Variants in LRP2 observed in about 807,000 individuals in gnomAD.
LRP2 encodes low-density lipoprotein receptor-related protein 2.
A neutral mutation model predicts 531.0 loss-of-function variants in LRP2; 172 were observed. The ratio of observed to expected loss-of-function variants is 0.32; its 90% CI spans 0.29 to 0.37. The LOEUF (loss-of-function observed/expected upper bound fraction) is 0.37. LRP2 is among the 10% of genes least tolerant of loss of function. LRP2 has a pLI of 1.00. For synonymous variants in LRP2, 1,992 were observed against 2,027.6 expected (o/e 0.98, Z 0.47); for missense variants, 5,167 against 5,868.3 (o/e 0.88, Z 3.90).
intron 66 of LRP2, among the ~76,000 whole-genome samples, chr2:169,154,006 A>T (rs1426793805): frequency 6.6e-6 from 1 of 152,242 alleles, no homozygotes; most frequent in African/African-American, 2.4e-5. Flanking sequence ...TCAACTAGCT[A>T]TATAACTTAG....
chr2:169,357,683 A>G (rs1267636727), intron 1 of LRP2, among the ~76,000 whole-genome samples: 1 of 151,738 alleles, frequency 6.6e-6, no homozygotes, highest in Non-Finnish European at 1.5e-5. Context: ...CTTAACAGAA[A>G]CTCCAAAGCC....
intron 16 of LRP2, among the ~76,000 whole-genome samples, chr2:169,259,745 C>CAA (rs5836225): frequency 1.7e-4 from 26 of 150,726 alleles, no homozygotes; most frequent in African/African-American, 6.1e-4. Context: ...ACAACAACAA[C>CAA]AAAAAAAAAA....
At chr2:169,142,850 C>T (rs1303077340) in intron 70 of LRP2, 57 bp from the exon 71 acceptor site, 28 of 1,605,670 alleles carry the variant, frequency 1.7e-5, no homozygotes, top group Non-Finnish European at 2.2e-5. Context: ...ACCTGAATAC[C>T]CAGCAACTGG....
chr2:169,146,703 T>C (rs768381239), intron 69 of LRP2, 36 bp downstream of exon 69: 3 of 1,456,412 alleles, frequency 2.1e-6, no homozygotes, highest in African/African-American at 1.4e-5. Flanking sequence ...ATGTTAATTA[T>C]TAATTTAATA....
chr2:169,205,941 G>T, intron 40 of LRP2, 82 bp downstream of exon 40: 3 of 1,518,892 alleles, frequency 2.0e-6, no homozygotes, highest in Non-Finnish European at 2.7e-6. Flanking sequence ...ATAACACATT[G>T]GCTATCTATG....
At chr2:169,193,305 C>T (rs1423525821) in intron 47 of LRP2, among the ~76,000 whole-genome samples, 1 of 151,484 alleles carries the variant, frequency 6.6e-6, no homozygotes, top group South Asian at 2.1e-4. Context: ...TGGTGGTGGG[C>T]GTATGGTCCC....
rs140802648 is a variant in LRP2 at position 169,128,784 on chromosome 2, G to A, written c.13847C>T (p.Ser4616Leu). 50 of 1,613,994 alleles carry A rather than the reference G, an allele frequency of 3.1e-5. No individual in the cohort carries two copies. Among genetic ancestry groups the A allele is most frequent in the Non-Finnish European group, 4.1e-5 (48 of 1,179,990 alleles). Residue 4616 changes from serine to leucine, a missense_variant, in exon 79 of 79, where the codon TCA becomes TTA. Ser to Leu is a moderately radical substitution (Grantham distance 145). Around this residue, in one of 6 missense-constraint regions of LRP2, gnomAD observed 348 missense variants for 369.3 expected, o/e 0.94. Transcript: ENST00000649046. ...CTTAGGCTTAGCAGGGAGCGAAGGTGATGGAGGTGGTGTCGCAGCAACACT... is the reference window on the plus strand; with the variant it reads ...CTTAGGCTTAGCAGGGAGCGAAGGTAATGGAGGTGGTGTCGCAGCAACACT... ...KESVAATPPP[S>L]PSLPAKPKPP...
chr2:169,177,970 T>A lies in LRP2; in HGVS notation c.10226A>T (p.His3409Leu). Residue 3409 changes from histidine (H) to leucine (L), a missense_variant, in exon 53 of 79, where the codon CAC becomes CTC. Around this residue, in one of 6 missense-constraint regions of LRP2, gnomAD observed 1,129 missense variants for 1,362.7 expected, o/e 0.83. Coordinates refer to ENST00000649046, the MANE Select transcript of LRP2 (RefSeq NM_004525.3). ...RHTVYDGALP[H>L]PFAITIFEDT... ...TTCAAAAATGGTAATAGCGAAAGGG[T>A]GAGGCAGTGCCCCATCATACACCGT... 1 of 1,614,174 alleles carries A rather than the reference T, an allele frequency of 6.2e-7. No homozygotes were observed. The highest frequency in any genetic ancestry group is 8.5e-7 in the Non-Finnish European group (1 of 1,180,022).
intron 1 of LRP2, among the ~76,000 whole-genome samples, chr2:169,355,251 C>T (rs1017088856): frequency 1.3e-5 from 2 of 152,182 alleles, no homozygotes; most frequent in Admixed American, 6.5e-5. Flanking sequence ...GTTTCCAATA[C>T]TTTATTCCTT....
At chr2:169,232,665 C>T (rs1298839260) in intron 30 of LRP2, among the ~76,000 whole-genome samples, 1 of 152,092 alleles carries the variant, frequency 6.6e-6, no homozygotes, top group Non-Finnish European at 1.5e-5. Context: ...TGGGTAGAAT[C>T]CTAAATAGCA....
In LRP2 at chr2:169,177,837, G is replaced by A. The variant is rs989942308; in HGVS notation, c.10359C>T (p.Asp3453=). The part of the protein sequence containing the change: ...TLVNTTHRPF[D]IHVYHPYRQP... ...GCCTATATGGATGGTACACATGGAT[G>A]TCAAATGGTCTGTGTGTTGTGTTCA... Residue 3453 remains aspartate (D), a synonymous_variant, in exon 53 of 79, where the codon GAC becomes GAT. Transcript: ENST00000649046. The A allele has an allele frequency of 5.6e-6, 9 of 1,614,106 alleles. No homozygotes were observed. The highest frequency in any genetic ancestry group is 7.6e-6 in the Non-Finnish European group (9 of 1,180,032).
chr2:169,165,783 G>A, intron 62 of LRP2, 149 bp downstream of exon 62: 1 of 941,340 alleles, frequency 1.1e-6, no homozygotes, highest in Non-Finnish European at 1.7e-6. Context: ...GCATGTGTTT[G>A]CATGGTCTTG....
In LRP2 at chr2:169,242,679, A is replaced by G. The variant is rs531424183; in HGVS notation, c.3667+277T>C. Among the ~76,000 whole-genome samples the G allele has an allele frequency of 5.3e-5, 8 of 152,318 alleles. No homozygotes were observed. The East Asian group carries it at 1.3e-3, about 26-fold the overall frequency. On this transcript the variant is annotated intron_variant, in intron 24 of 78. Transcript: ENST00000649046. ...TAAACCTACTAAAGTGGGAAGTCCT[A>G]AGAAAAACTAAAAGTGAAAACAAAA... is the stretch of plus-strand genomic sequence containing the variant.
intron 49 of LRP2, among the ~76,000 whole-genome samples, chr2:169,186,696 A>G (rs1559003495): frequency 6.6e-6 from 1 of 152,218 alleles, no homozygotes; most frequent in Non-Finnish European, 1.5e-5. Context: ...CTACAGTCTT[A>G]TTATCTGCAA....
rs371473851 is a variant in LRP2 at position 169,320,747 on chromosome 2, T to C, written c.187+30A>G. The stretch of plus-strand genomic sequence containing the variant: ...CAGGAAGCACTTAGGTTACTCAAAA[T>C]AGAACTTAGCCTGGCCCCTCCTCAC... On this transcript the variant is annotated intron_variant, in intron 2 of 78. Coordinates refer to ENST00000649046, the MANE Select transcript of LRP2 (RefSeq NM_004525.3). 2.0e-5 allele frequency: 32 copies of C among 1,564,090 alleles called. No individual in the cohort carries two copies. In the African/African-American group the frequency reaches 2.8e-4, roughly 14 times the overall value.
At chr2:169,261,582 T>A in intron 16 of LRP2, among the ~76,000 whole-genome samples, 1 of 150,526 alleles carries the variant, frequency 6.6e-6, no homozygotes, top group South Asian at 2.1e-4. Flanking sequence ...GTTTAACCAC[T>A]GACTATGAGG....
At chr2:169,247,216 G>C (rs182430059) in intron 20 of LRP2, among the ~76,000 whole-genome samples, 162 bp downstream of exon 20, 1 of 152,182 alleles carries the variant, frequency 6.6e-6, no homozygotes, top group South Asian at 2.1e-4. Context: ...GCATTGAACA[G>C]AGATTTCAAG....
chr2:169,176,789 T>C (rs898463289), intron 53 of LRP2, among the ~76,000 whole-genome samples: 2 of 152,196 alleles, frequency 1.3e-5, no homozygotes, highest in Non-Finnish European at 1.5e-5. Flanking sequence ...TTAAGAAAGC[T>C]CATTTATATG....
At chr2:169,131,382 G>C (rs1283217396) in intron 77 of LRP2, among the ~76,000 whole-genome samples, 1 of 151,776 alleles carries the variant, frequency 6.6e-6, no homozygotes, top group Non-Finnish European at 1.5e-5. Flanking sequence ...ATTTTATTTT[G>C]ATTTAAATCA....
Sources: allele counts gnomAD v4.1 joint callset (sites outside exome capture counted in the v4.1 genomes callset), GRCh38; gene constraint gnomAD v4.1.1; regional missense constraint gnomAD v4.1.1; transcripts MANE v1.5; gene names NCBI Gene and HGNC (gene_info 2026-07-23, HGNC 2026-07-21).